BTBD9: variants seen among roughly 807,000 people sequenced by gnomAD.
BTBD9 encodes the protein BTB domain containing 9.
Under a neutral mutation model 64.3 loss-of-function variants are expected in BTBD9, and 49 were observed. The observed-to-expected ratio is 0.76, with a 90% CI of 0.61 to 0.97. The LOEUF is 0.97. Ranked by LOEUF, BTBD9 falls within the 50% of genes least tolerant of loss-of-function variation. The pLI, the probability that BTBD9 is intolerant of heterozygous loss-of-function variation, is 0.00. For missense variants in BTBD9, 598 were observed against 762.1 expected (o/e 0.78, Z 2.53); for synonymous variants, 260 against 274.7 (o/e 0.95, Z 0.53).
chr6:38,227,235 G>A (rs1306335686), intron 9 of BTBD9, among the ~76,000 whole-genome samples: 1 of 152,216 alleles, frequency 6.6e-6, no homozygotes, highest in Non-Finnish European at 1.5e-5. Context: ...ATTCTGATTT[G>A]CTTCCAAATG....
chr6:38,265,974 G>A (rs977143114), intron 8 of BTBD9, among the ~76,000 whole-genome samples: 5 of 152,082 alleles, frequency 3.3e-5, no homozygotes, highest in Non-Finnish European at 7.4e-5. Flanking sequence ...TACTGAGTGT[G>A]GAATGAATGG....
At chr6:38,497,996 G>A (rs1050763614) in intron 6 of BTBD9, among the ~76,000 whole-genome samples, 3 of 152,180 alleles carry the variant, frequency 2.0e-5, no homozygotes, top group Admixed American at 6.5e-5. Flanking sequence ...AGGCTGAGAT[G>A]CCCCTTGGTC....
At chr6:38,504,532 C>T (rs1208508498) in intron 6 of BTBD9, 1 of 456,674 alleles carries the variant, frequency 2.2e-6, no homozygotes, top group East Asian at 6.9e-5. Context: ...AGTTAGATCC[C>T]TCTTCTCCTG....
At position 38,184,039 on chromosome 6, in the gene BTBD9, T is replaced by C. The variant is rs1262914189; in HGVS notation, c.1641+8480A>G. 2.0e-5 allele frequency among the ~76,000 whole-genome samples: 3 copies of C among 152,196 alleles called. No homozygotes were observed. The highest frequency in any genetic ancestry group is 4.8e-5 in the African/African-American group (2 of 41,442). On this transcript the variant is annotated intron_variant, in intron 10 of 10. Coordinates refer to ENST00000481247, the MANE Select transcript of BTBD9 (RefSeq NM_001099272.2). This position sits in a 1 kb window ranked among gnomAD's most constrained non-coding sequence, Gnocchi z 4.4. The stretch of plus-strand genomic sequence containing the variant: ...AGTTTCCATGAATGTAATCCTAGTA[T>C]ACGTATTCTTTGGTGTCTGGCTTCT...
intron 4 of BTBD9, among the ~76,000 whole-genome samples, chr6:38,583,703 T>C (rs1346311095): frequency 6.6e-6 from 1 of 152,218 alleles, no homozygotes; most frequent in Non-Finnish European, 1.5e-5. Context: ...ACCACAAGTC[T>C]AAGTCTTCTT....
chr6:38,575,226 T>C (rs1582657884), intron 6 of BTBD9, among the ~76,000 whole-genome samples: 1 of 152,156 alleles, frequency 6.6e-6, no homozygotes, highest in African/African-American at 2.4e-5. Context: ...CCCATCAATC[T>C]CTCTTCATTA....
rs368257334 is a variant in BTBD9, at chr6:38,303,874, T to TATATATATATATACAC, written c.1265-15414_1265-15413insGTGTATATATATATAT. Among the ~76,000 whole-genome samples, 130 of 82,556 alleles carry TATATATATATATACAC rather than the reference T, an allele frequency of 1.6e-3. 1 individual carries two copies. The highest frequency in any genetic ancestry group is 2.6e-3 in the African/African-American group (54 of 20,818). The allele number at this position is 82,556 out of a possible 152,430, so 54.2% of individuals were successfully genotyped here. ...ATATATATATATATATATATATATATACACACACACACATGTGTATATATA... is the reference window on the plus strand; with the variant it reads ...ATATATATATATATATATATATATATATATATATATATACACACACACACACACATGTGTATATATA... On this transcript the variant is annotated intron_variant, in intron 7 of 10. Transcript: ENST00000481247.
chr6:38,332,286 C>CT (rs1283619069), intron 7 of BTBD9, among the ~76,000 whole-genome samples: 3 of 152,118 alleles, frequency 2.0e-5, no homozygotes, highest in Admixed American at 2.0e-4. Flanking sequence ...TCCTACAGCT[C>CT]TTTTGGAGTC....
intron 7 of BTBD9, among the ~76,000 whole-genome samples, chr6:38,344,087 C>T (rs376815253): frequency 2.0e-5 from 3 of 152,136 alleles, no homozygotes; most frequent in Admixed American, 6.5e-5. Context: ...ATCCCCACAC[C>T]GGAACATATG....
At chr6:38,345,452 G>A (rs935362798) in intron 6 of BTBD9, among the ~76,000 whole-genome samples, 4 of 152,230 alleles carry the variant, frequency 2.6e-5, no homozygotes, top group Admixed American at 6.5e-5. Flanking sequence ...CTCTTGCCTT[G>A]TGGTTAGGAA....
chr6:38,175,025 G>C lies in BTBD9; in HGVS notation c.1799C>G (p.Pro600Arg), dbSNP rs901043073. The stretch of plus-strand genomic sequence containing the variant: ...GTTGGGGGAGCGTGAGTTGGAGCCT[G>C]GGCTGGAGGGTAGTGAGCTGCCACT... ...APSGSSLPSSPGSNSRSPNRQ... is the reference protein window; with the variant it reads ...APSGSSLPSSRGSNSRSPNRQ... The change falls in exon 11 of 11, where the codon CCA (proline) becomes CGA (arginine). Residue 600 changes from proline to arginine, a missense_variant. By Grantham distance (103) the Pro-to-Arg change is moderately radical. Transcript: ENST00000481247. 7 of 1,613,990 alleles carry C rather than the reference G, an allele frequency of 4.3e-6. No individual in the cohort carries two copies. Among genetic ancestry groups the C allele is most frequent in the Non-Finnish European group, 5.9e-6 (7 of 1,180,042 alleles).
At chr6:38,566,292 A>T (rs1338773114) in intron 6 of BTBD9, among the ~76,000 whole-genome samples, 3 of 151,942 alleles carry the variant, frequency 2.0e-5, no homozygotes, top group Non-Finnish European at 4.4e-5. Context: ...GGAACTGCTA[A>T]ATCTTCTTGA....
chr6:38,598,297 C>G (rs919880052), intron 1 of BTBD9, among the ~76,000 whole-genome samples, 176 bp from the exon 2 acceptor site: 1 of 152,154 alleles, frequency 6.6e-6, no homozygotes, highest in Non-Finnish European at 1.5e-5. Flanking sequence ...CAGCCTGCTT[C>G]CCTTAACTGT....
intron 10 of BTBD9, 55 bp from the exon 11 acceptor site, chr6:38,175,237 A>G (rs1766949826): frequency 2.5e-6 from 4 of 1,575,644 alleles, no homozygotes; most frequent in South Asian, 1.1e-5. Flanking sequence ...GCGGCCCTGG[A>G]GTTGCCGCAA....
chr6:38,507,542 G>A (rs2127407051), intron 6 of BTBD9, among the ~76,000 whole-genome samples: 1 of 152,262 alleles, frequency 6.6e-6, no homozygotes, highest in East Asian at 1.9e-4. Context: ...CATGTTTGTT[G>A]TTAAAGCAAA....
intron 9 of BTBD9, among the ~76,000 whole-genome samples, chr6:38,203,257 G>C (rs1014443513): frequency 6.6e-6 from 1 of 152,144 alleles, no homozygotes; most frequent in African/African-American, 2.4e-5. Context: ...ATGGAAAACA[G>C]TATAGAGATT....
chr6:38,387,423 G>T (rs1356154652), intron 6 of BTBD9, among the ~76,000 whole-genome samples: 1 of 152,178 alleles, frequency 6.6e-6, no homozygotes, highest in Non-Finnish European at 1.5e-5. Flanking sequence ...TGTAATCCCA[G>T]CTACTCGGGA....
intron 4 of BTBD9, among the ~76,000 whole-genome samples, chr6:38,582,125 G>A (rs533097935): frequency 1.3e-5 from 2 of 152,184 alleles, no homozygotes; most frequent in African/African-American, 4.8e-5. Context: ...ACAATATATT[G>A]CAGCTGAAAA....
chr6:38,351,322 A>C (rs914973299), intron 6 of BTBD9, among the ~76,000 whole-genome samples: 3 of 152,164 alleles, frequency 2.0e-5, no homozygotes, highest in African/African-American at 4.8e-5. Flanking sequence ...TGCCCTGCAA[A>C]GGGAGCTATC....
Sources: gnomAD v4.1 joint callset for allele counts (sites outside exome capture counted in the v4.1 genomes callset) on GRCh38, gnomAD v4.1.1 for gene constraint, Gnocchi (gnomAD v3.1) non-coding constraint, MANE v1.5 for transcripts, NCBI Gene and HGNC (gene_info 2026-07-23, HGNC 2026-07-21) for gene names.